GALNT13: variants seen among roughly 807,000 people sequenced by gnomAD.
GALNT13 encodes the protein polypeptide N-acetylgalactosaminyltransferase 13, also known as UDP-GalNAc:polypeptide N-acetylgalactosaminyltransferase 13.
A neutral mutation model predicts 64.2 loss-of-function variants in GALNT13; 28 were observed. The observed-to-expected ratio is 0.44, with a 90% CI of 0.32 to 0.60. The LOEUF (loss-of-function observed/expected upper bound fraction) is 0.60, where lower values mean the gene tolerates loss of function less well. Ranked by LOEUF, GALNT13 falls within the 20% of genes least tolerant of loss-of-function variation. The pLI is 0.05. For synonymous variants in GALNT13, 214 were observed against 224.6 expected (o/e 0.95, Z 0.42); for missense variants, 577 against 669.8 (o/e 0.86, Z 1.53).
intron 11 of GALNT13, among the ~76,000 whole-genome samples, chr2:154,413,117 G>C (rs977122475): frequency 6.6e-6 from 1 of 151,850 alleles, no homozygotes; most frequent in Non-Finnish European, 1.5e-5. Flanking sequence ...TAATGACTCA[G>C]ATTTACATGT....
At chr2:154,023,793 T>A (rs1392911541) in intron 3 of GALNT13, among the ~76,000 whole-genome samples, 1 of 152,212 alleles carries the variant, frequency 6.6e-6, no homozygotes, top group African/African-American at 2.4e-5. Context: ...CTAGCCTTGA[T>A]GGTCTTTACA....
the GALNT13 span, among the ~76,000 whole-genome samples, chr2:153,374,906 A>G: frequency 1.3e-5 from 2 of 152,166 alleles, no homozygotes; most frequent in African/African-American, 4.8e-5. Context: ...ACCAATTCTC[A>G]GATATTGGAC....
the GALNT13 span, among the ~76,000 whole-genome samples, chr2:153,378,038 A>T: frequency 6.6e-6 from 1 of 152,186 alleles, no homozygotes; most frequent in Non-Finnish European, 1.5e-5. Context: ...TTGCTGACAA[A>T]TGAAATTTGT....
the GALNT13 span, among the ~76,000 whole-genome samples, chr2:153,125,209 A>C: frequency 7.2e-5 from 11 of 152,340 alleles, no homozygotes; most frequent in African/African-American, 2.6e-4. Context: ...TCAGGCAACC[A>C]ATTAGTAACA....
chr2:153,117,138 A>G, the GALNT13 span, among the ~76,000 whole-genome samples: 1 of 152,064 alleles, frequency 6.6e-6, no homozygotes, highest in Non-Finnish European at 1.5e-5. Flanking sequence ...CAGCCTCATT[A>G]TTTTAAAGTT....
chr2:153,638,939 C>G, the GALNT13 span, among the ~76,000 whole-genome samples: 1 of 152,106 alleles, frequency 6.6e-6, no homozygotes, highest in African/African-American at 2.4e-5. Flanking sequence ...TGAGCAGGAC[C>G]AAGAGTCCCT....
chr2:153,896,183 A>G (rs544701280), intron 1 of GALNT13, among the ~76,000 whole-genome samples: 1 of 146,732 alleles, frequency 6.8e-6, no homozygotes, highest in East Asian at 2.0e-4. Flanking sequence ...TTAAAGACTG[A>G]TAACCTTTTG....
intron 8 of GALNT13, among the ~76,000 whole-genome samples, chr2:154,290,126 T>C (rs1439414908): frequency 6.6e-6 from 1 of 152,174 alleles, no homozygotes; most frequent in Non-Finnish European, 1.5e-5. Flanking sequence ...TATCTAGATT[T>C]ACTGCCGGGG....
intron 3 of GALNT13, among the ~76,000 whole-genome samples, chr2:153,990,743 G>T (rs1695106365): frequency 6.6e-6 from 1 of 152,116 alleles, no homozygotes; most frequent in Non-Finnish European, 1.5e-5. Context: ...AGTTTAATGT[G>T]CACTTTCCTA....
At chr2:153,584,853 G>C in the GALNT13 span, among the ~76,000 whole-genome samples, 1 of 152,108 alleles carries the variant, frequency 6.6e-6, no homozygotes, top group Non-Finnish European at 1.5e-5. Context: ...AAAAAAAATT[G>C]TAGACTATTC....
At chr2:153,655,713 C>T in the GALNT13 span, among the ~76,000 whole-genome samples, 18 of 151,922 alleles carry the variant, frequency 1.2e-4, no homozygotes, top group African/African-American at 2.7e-4. Flanking sequence ...TGATAGAAGC[C>T]GGGACATATA....
the GALNT13 span, among the ~76,000 whole-genome samples, chr2:153,757,194 C>T: frequency 6.6e-6 from 1 of 152,060 alleles, no homozygotes; most frequent in African/African-American, 2.4e-5. Context: ...CCCCCACAGT[C>T]GCTGGTTTCT....
the GALNT13 span, among the ~76,000 whole-genome samples, chr2:153,303,866 G>C: frequency 6.6e-6 from 1 of 152,174 alleles, no homozygotes; most frequent in African/African-American, 2.4e-5. Context: ...CAAGAGATTT[G>C]CTGCTTTTGT....
chr2:153,236,051 G>A, the GALNT13 span, among the ~76,000 whole-genome samples: 1 of 152,036 alleles, frequency 6.6e-6, no homozygotes, highest in East Asian at 1.9e-4. Flanking sequence ...AAGTTTTGGT[G>A]GTCTGGACTG....
At chr2:153,316,595 T>G in the GALNT13 span, among the ~76,000 whole-genome samples, 1 of 135,690 alleles carries the variant, frequency 7.4e-6, no homozygotes, top group Non-Finnish European at 1.5e-5. Context: ...GAGCCGAGAT[T>G]GCGCCACTGC....
the GALNT13 span, among the ~76,000 whole-genome samples, chr2:153,688,387 G>A: frequency 6.6e-6 from 1 of 151,900 alleles, no homozygotes; most frequent in African/African-American, 2.4e-5. Context: ...CAAGTTATTA[G>A]ACTCTCAATA....
intron 4 of GALNT13, among the ~76,000 whole-genome samples, chr2:154,238,144 C>G (rs1011070180): frequency 3.9e-5 from 6 of 151,978 alleles, no homozygotes; most frequent in Admixed American, 2.6e-4. Flanking sequence ...GCACCTTAAA[C>G]TTTAAAAAGC....
chr2:153,858,942 C>G, the GALNT13 span, among the ~76,000 whole-genome samples: 5 of 152,140 alleles, frequency 3.3e-5, no homozygotes, highest in African/African-American at 1.2e-4. Flanking sequence ...CCATATTGGC[C>G]AGGCTGGTCT....
At chr2:154,364,002 C>A (rs2105292431) in intron 9 of GALNT13, among the ~76,000 whole-genome samples, 1 of 152,114 alleles carries the variant, frequency 6.6e-6, no homozygotes, top group South Asian at 2.1e-4. Context: ...AATCCATCAT[C>A]CTTGAATTAA....
Sources: gnomAD v4.1 joint callset for allele counts (sites outside exome capture counted in the v4.1 genomes callset) on GRCh38, gnomAD v4.1.1 for gene constraint, MANE v1.5 for transcripts, NCBI Gene and HGNC (gene_info 2026-07-23, HGNC 2026-07-21) for gene names.